KIF13B: variants seen among roughly 807,000 people sequenced by gnomAD.
KIF13B encodes the protein kinesin family member 13B.
A neutral mutation model predicts 222.0 loss-of-function variants in KIF13B; 127 were observed. That is an observed-to-expected ratio of 0.57 (90% CI 0.50 to 0.66). The LOEUF (loss-of-function observed/expected upper bound fraction) is 0.66, where lower values mean the gene tolerates loss of function less well. Among genes scored for constraint, KIF13B ranks in the 30% least tolerant of loss-of-function variants. KIF13B has a pLI of 0.00. For synonymous variants in KIF13B, 976 were observed against 919.0 expected (o/e 1.06, Z -1.12); for missense variants, 2,173 against 2,379.0 (o/e 0.91, Z 1.80).
rs776192212 is a variant in KIF13B, at chr8:29,130,589, C to T, written c.3019G>A (p.Val1007Ile). The T allele has an allele frequency of 6.2e-7, 1 of 1,613,690 alleles. No individual in the cohort carries two copies. The highest frequency in any genetic ancestry group is 1.1e-5 in the South Asian group (1 of 91,080). The change falls in exon 24 of 40, where the codon GTA (valine) becomes ATA (isoleucine). Residue 1007 changes from valine (V) to isoleucine (I), a missense_variant. Val to Ile is a conservative substitution (Grantham distance 29, BLOSUM62 3). Transcript: ENST00000524189. ...EQNENGEYCP[V>I]EVISAKDVPT... ...ACATCCTTTGCAGAAATCACTTCTA[C>T]AGGGCAGTATTCACCATTCTCATTC...
chr8:29,070,579 G>A lies in KIF13B; in HGVS notation c.5406C>T (p.Ala1802=). 6.2e-7 allele frequency: 1 copy of A among 1,603,770 alleles called. No individual in the cohort carries two copies. The highest frequency in any genetic ancestry group is 8.5e-7 in the Non-Finnish European group (1 of 1,175,550). The part of the protein sequence containing the change: ...ATLSGSATNL[A]SLTAALAKAD... The stretch of plus-strand genomic sequence containing the variant: ...CCTTGGCCAGGGCAGCTGTCAGCGA[G>A]GCCAGGTTGGTGGCGGAGCCCGAGA... The change falls in exon 40 of 40, where the codon GCC becomes GCT. Residue 1802 remains alanine, a synonymous_variant. Transcript: ENST00000524189. This position sits in a 1 kb window ranked among gnomAD's most constrained non-coding sequence, Gnocchi z 4.1.
intron 37 of KIF13B, among the ~76,000 whole-genome samples, chr8:29,083,467 C>T (rs574973683): frequency 4.5e-4 from 69 of 152,308 alleles, no homozygotes; most frequent in African/African-American, 1.5e-3. Flanking sequence ...CCTCTTCAAT[C>T]GACTTCTTTA....
chr8:29,091,546 G>C (rs574590805), intron 37 of KIF13B, among the ~76,000 whole-genome samples: 1 of 152,250 alleles, frequency 6.6e-6, no homozygotes, highest in Non-Finnish European at 1.5e-5. Flanking sequence ...TGGGTTCCCA[G>C]CGCAGGCTGA....
Position 29,069,443 on chromosome 8 carries a change from T to C in KIF13B, c.*1061A>G, listed in dbSNP as rs1405731969. On this transcript the variant is annotated 3_prime_UTR_variant, in exon 40 of 40. Coordinates refer to ENST00000524189, the MANE Select transcript of KIF13B (RefSeq NM_015254.4). ...AGTTAAAATGACCCAAAGACCTTCC[T>C]AGAAACCAAAAGTGCACCAAATAAA... is the stretch of plus-strand genomic sequence containing the variant. 6.6e-6 allele frequency: 1 copy of C among 152,306 alleles called. No homozygotes were observed. The highest frequency in any genetic ancestry group is 1.5e-5 in the Non-Finnish European group (1 of 68,076). The allele number at this position is 152,306 out of a possible 1,614,324, so 9.4% of individuals were successfully genotyped here. A position where few individuals can be genotyped will look rare whatever the true frequency, so the allele number is the denominator to read the frequency against.
chr8:29,255,807 C>T (rs943841660), intron 1 of KIF13B, among the ~76,000 whole-genome samples: 1 of 152,176 alleles, frequency 6.6e-6, no homozygotes, highest in Non-Finnish European at 1.5e-5. Flanking sequence ...GTGTTAATCA[C>T]GCGGCCATTC....
At chr8:29,227,522 T>C (rs918273551) in intron 2 of KIF13B, among the ~76,000 whole-genome samples, 4 of 152,304 alleles carry the variant, frequency 2.6e-5, no homozygotes, top group Admixed American at 2.0e-4. Context: ...ACTCCTGACC[T>C]AGGTATATTT....
intron 31 of KIF13B, among the ~76,000 whole-genome samples, chr8:29,114,369 C>T (rs1345751896): frequency 3.3e-5 from 5 of 152,162 alleles, no homozygotes; most frequent in Non-Finnish European, 7.3e-5. Flanking sequence ...ATGATCTTTA[C>T]ATTTTTAAAA....
chr8:29,151,101 G>A (rs185136142), intron 14 of KIF13B, among the ~76,000 whole-genome samples: 2 of 152,280 alleles, frequency 1.3e-5, no homozygotes, highest in Admixed American at 6.5e-5. Context: ...TGAATGATAA[G>A]GCTGAACAGT....
intron 12 of KIF13B, among the ~76,000 whole-genome samples, chr8:29,161,702 C>A (rs986517611): frequency 2.0e-5 from 3 of 148,412 alleles, no homozygotes; most frequent in Non-Finnish European, 3.0e-5. Flanking sequence ...TCTCAAAACC[C>A]CCCCCCAAAA....
intron 9 of KIF13B, 59 bp downstream of exon 9, chr8:29,177,407 G>T (rs1812526697): frequency 9.0e-7 from 1 of 1,112,544 alleles, no homozygotes; most frequent in Non-Finnish European, 1.4e-6. Context: ...AACCACAGAT[G>T]TTCCCCTATT....
chr8:29,203,591 C>T (rs544035866), intron 2 of KIF13B, among the ~76,000 whole-genome samples: 12 of 152,208 alleles, frequency 7.9e-5, no homozygotes, highest in Non-Finnish European at 1.5e-4. Flanking sequence ...CTGAAACACA[C>T]GACATTAAGA....
chr8:29,228,250 G>A (rs936901082), intron 2 of KIF13B, among the ~76,000 whole-genome samples: 6 of 151,272 alleles, frequency 4.0e-5, no homozygotes, highest in Non-Finnish European at 8.8e-5. Context: ...TGGATCACAA[G>A]GTCAGGAGGT....
intron 36 of KIF13B, among the ~76,000 whole-genome samples, chr8:29,094,873 A>C (rs563341429): frequency 1.3e-5 from 2 of 152,326 alleles, no homozygotes; most frequent in South Asian, 4.1e-4. Flanking sequence ...GAACTGAAAA[A>C]AAAACAATGA....
intron 3 of KIF13B, among the ~76,000 whole-genome samples, chr8:29,194,252 T>G (rs972501679): frequency 2.6e-5 from 4 of 151,852 alleles, no homozygotes; most frequent in African/African-American, 9.7e-5. Context: ...TTATCAGAGA[T>G]AGGTTCTAAA....
chr8:29,250,857 A>G (rs1816251179), intron 1 of KIF13B, among the ~76,000 whole-genome samples: 1 of 152,232 alleles, frequency 6.6e-6, no homozygotes, highest in South Asian at 2.1e-4. Flanking sequence ...ATCAAATGTT[A>G]CTAGTTGAAT....
At chr8:29,117,061 ACT>A in intron 30 of KIF13B, 54 bp from the exon 31 acceptor site, 3 of 1,481,820 alleles carry the variant, frequency 2.0e-6, no homozygotes, top group Non-Finnish European at 2.7e-6. Flanking sequence ...AAACATGAAA[ACT>A]CTTTCAAGGA....
chr8:29,190,301 T>C (rs1813119883), intron 4 of KIF13B: 1 of 152,284 alleles, frequency 6.6e-6, no homozygotes, highest in Non-Finnish European at 1.5e-5. Flanking sequence ...TCAAATCACA[T>C]TTCTAATCGG....
chr8:29,149,167 C>T (rs964013872), intron 15 of KIF13B, among the ~76,000 whole-genome samples: 4 of 152,130 alleles, frequency 2.6e-5, no homozygotes, highest in Non-Finnish European at 4.4e-5. Flanking sequence ...ATGGGTAAAA[C>T]AACGGGATAT....
At chr8:29,247,688 G>A (rs1247528949) in intron 1 of KIF13B, among the ~76,000 whole-genome samples, 1 of 151,832 alleles carries the variant, frequency 6.6e-6, no homozygotes, top group Non-Finnish European at 1.5e-5. Context: ...TTTAAAAATA[G>A]CCAGGCATGG....
Sources: allele counts gnomAD v4.1 joint callset (sites outside exome capture counted in the v4.1 genomes callset), GRCh38; gene constraint gnomAD v4.1.1; non-coding constraint Gnocchi (gnomAD v3.1); transcripts MANE v1.5; gene names NCBI Gene and HGNC (gene_info 2026-07-23, HGNC 2026-07-21).